The following FXYD3 variants were observed in gnomAD, a reference collection of about 807,000 sequenced individuals.
The protein encoded by FXYD3 is FXYD domain-containing ion transport regulator 3.
In FXYD3, 13 loss-of-function variants were observed where a neutral mutation model predicts 19.2. The ratio of observed to expected loss-of-function variants is 0.68; its 90% CI spans 0.44 to 1.08. FXYD3 has a LOEUF of 1.08. Among genes scored for constraint, FXYD3 ranks in the 50% least tolerant of loss-of-function variants. The pLI, the probability that FXYD3 is intolerant of heterozygous loss-of-function variation, is 0.00. For synonymous variants in FXYD3, 48 were observed against 38.9 expected, an observed-to-expected ratio of 1.23 and a Z score of -0.87; for missense variants, 101 against 109.4, an observed-to-expected ratio of 0.92 and a Z score of 0.34.
chr19:35,117,196 C>T (rs1001968417), intron 2 of FXYD3: 3 of 1,414,550 alleles, frequency 2.1e-6, no homozygotes, highest in Non-Finnish European at 2.8e-6. Flanking sequence ...AACGTGAGGG[C>T]AGACCCAGCT....
chr19:35,121,376 C>T, intron 5 of FXYD3, 131 bp downstream of exon 5: 4 of 1,606,356 alleles, frequency 2.5e-6, no homozygotes, highest in Non-Finnish European at 3.4e-6. Flanking sequence ...GATGGGGTTA[C>T]TGAATATGCC....
At position 35,119,278 on chromosome 19, in the gene FXYD3, C is replaced by G. The variant is rs1555731371; in HGVS notation, c.-14-85C>G. On this transcript the variant is annotated intron_variant, in intron 2 of 8. Transcript: ENST00000604404. Reference sequence around the variant, plus strand: ...TGAGCTGCGCACCCTGCCTGGGGAGCAGGGGAGGAGGGTTGGGGAGCCACA... The same window carrying G: ...TGAGCTGCGCACCCTGCCTGGGGAGGAGGGGAGGAGGGTTGGGGAGCCACA... 21 of 1,610,820 alleles carry G rather than the reference C, an allele frequency of 1.3e-5. No individual in the cohort carries two copies. The South Asian group carries it at 2.3e-4, about 18-fold the overall frequency.
intron 5 of FXYD3, 61 bp from the exon 6 acceptor site, chr19:35,122,704 A>G: frequency 1.5e-6 from 2 of 1,337,662 alleles, no homozygotes; most frequent in Non-Finnish European, 2.1e-6. Context: ...TGTCAAGAGA[A>G]TGGGGGGACA....
chr19:35,118,764 C>T (rs984641225), intron 2 of FXYD3, among the ~76,000 whole-genome samples: 1 of 152,128 alleles, frequency 6.6e-6, no homozygotes, highest in Non-Finnish European at 1.5e-5. Context: ...CCCAGCCTCA[C>T]GTCAATTCCT....
In FXYD3 at chr19:35,119,066, G is replaced by A. The variant is rs1339253812; in HGVS notation, c.-14-297G>A. 4 of 744,728 alleles carry A rather than the reference G, an allele frequency of 5.4e-6. No homozygotes were observed. The East Asian group carries it at 1.1e-4, about 21-fold the overall frequency. The allele number at this position is 744,728 out of a possible 1,614,324, so 46.1% of individuals were successfully genotyped here. On this transcript the variant is annotated intron_variant, in intron 2 of 8. Coordinates refer to ENST00000604404, the MANE Select transcript of FXYD3 (RefSeq NM_005971.4). ...GCCTCAGTCTCCCCATCTGTCCAGT[G>A]AGGACAACAGCGGGCAGTGGCGCCC...
intron 6 of FXYD3, 29 bp from the exon 7 acceptor site, chr19:35,122,889 T>G (rs1472966926): frequency 2.5e-6 from 4 of 1,613,430 alleles, no homozygotes; most frequent in Non-Finnish European, 3.4e-6. Flanking sequence ...GGGGCTCCCC[T>G]CCCCTGACCA....
intron 7 of FXYD3, 89 bp downstream of exon 7, chr19:35,123,043 G>A: frequency 6.7e-7 from 1 of 1,485,728 alleles, no homozygotes; most frequent in Non-Finnish European, 8.9e-7. Context: ...AGAGGCCTCG[G>A]GGCTCTGCCC....
At chr19:35,123,109 C>G in intron 7 of FXYD3, 155 bp downstream of exon 7, 1 of 1,462,024 alleles carries the variant, frequency 6.8e-7, no homozygotes, top group Non-Finnish European at 9.0e-7. Context: ...TGGTAATCCC[C>G]AGGGGGCCCC....
chr19:35,118,699 A>C, intron 2 of FXYD3: 1 of 419,472 alleles, frequency 2.4e-6, no homozygotes, highest in South Asian at 6.9e-5. Context: ...GTTCGGGGGA[A>C]CAGAGATGGA....
At chr19:35,122,597 T>C (rs2065067315) in intron 5 of FXYD3, 168 bp from the exon 6 acceptor site, 1 of 623,972 alleles carries the variant, frequency 1.6e-6, no homozygotes, top group Non-Finnish European at 2.9e-6. Context: ...TCGTGTTTGC[T>C]GGTGTGTGAA....
chr19:35,123,655 C>A lies in FXYD3; in HGVS notation c.*198C>A. 1 of 623,476 alleles carries A rather than the reference C, an allele frequency of 1.6e-6. No homozygotes were observed. Among genetic ancestry groups the A allele is most frequent in the Non-Finnish European group, 2.8e-6 (1 of 354,572 alleles). The allele number at this position is 623,476 out of a possible 1,614,324, so 38.6% of individuals were successfully genotyped here. ...AATCTAAAATGATTGTGCCTCTGCC[C>A]AAGCAGCCTGGAGACTTCCTATGTG... On this transcript the variant is annotated 3_prime_UTR_variant, in exon 9 of 9. Transcript: ENST00000604404.
intron 2 of FXYD3, chr19:35,116,620 G>A (rs1425620201): frequency 1.0e-6 from 1 of 985,206 alleles, no homozygotes; most frequent in Non-Finnish European, 1.2e-6. Flanking sequence ...GTGTCTGAAA[G>A]ACTAGTGTCT....
intron 5 of FXYD3, chr19:35,121,680 A>C: frequency 5.0e-6 from 2 of 399,216 alleles, no homozygotes; most frequent in Non-Finnish European, 7.6e-6. Context: ...CACAGCAGAC[A>C]TACTGCCAGC....
intron 2 of FXYD3, among the ~76,000 whole-genome samples, chr19:35,117,733 C>T (rs1471711703): frequency 1.2e-5 from 1 of 81,664 alleles, no homozygotes; most frequent in Admixed American, 1.4e-4. Flanking sequence ...GTAATGCTCC[C>T]CAAAGCCTCA....
intron 2 of FXYD3, among the ~76,000 whole-genome samples, chr19:35,117,753 C>T (rs2064928170): frequency 1.9e-3 from 1 of 514 alleles, no homozygotes; most frequent in Admixed American, 0.018. Flanking sequence ...AGGCTTTCTT[C>T]CCGCAAAAAA....
chr19:35,120,545 A>G (rs999575731), intron 3 of FXYD3, among the ~76,000 whole-genome samples: 1 of 152,210 alleles, frequency 6.6e-6, no homozygotes, highest in Non-Finnish European at 1.5e-5. Context: ...TGTCCATTAC[A>G]TAGGGCAAGA....
chr19:35,117,662 C>T (rs1390182156), intron 2 of FXYD3, among the ~76,000 whole-genome samples: 1 of 149,390 alleles, frequency 6.7e-6, no homozygotes, highest in African/African-American at 2.5e-5. Flanking sequence ...TGCCCACCCA[C>T]CCACGCCAGC....
At position 35,116,298 on chromosome 19, in the gene FXYD3, AGGACTCCGCCT is replaced by A; in HGVS notation, c.-73_-63del. On this transcript the variant is annotated 5_prime_UTR_variant, in exon 2 of 9. Transcript: ENST00000604404. ...GGGCGTGGCAGCTTCGGATAAACGC[AGGACTCCGCCT>A]GGCAGCCCGATTTCTCCCGGAACCT... 1.0e-6 allele frequency: 1 copy of A among 985,492 alleles called. No homozygotes were observed. Among genetic ancestry groups the A allele is most frequent in the Non-Finnish European group, 1.2e-6 (1 of 829,980 alleles). 61.0% of individuals were successfully genotyped at this position (985,492 alleles called of 1,614,324 possible). A position where few individuals can be genotyped will look rare whatever the true frequency, so the allele number is the denominator to read the frequency against.
At chr19:35,116,929 A>G in intron 2 of FXYD3, 1 of 985,196 alleles carries the variant, frequency 1.0e-6, no homozygotes, top group African/African-American at 1.7e-5. Context: ...AGATTTCAGG[A>G]GCACACAGCG....
Sources: allele counts gnomAD v4.1 joint callset (sites outside exome capture counted in the v4.1 genomes callset), GRCh38; gene constraint gnomAD v4.1.1; transcripts MANE v1.5; gene names NCBI Gene and HGNC (gene_info 2026-07-23, HGNC 2026-07-21).